PSD4: variants seen among roughly 807,000 people sequenced by gnomAD.
The protein encoded by PSD4 is PH and SEC7 domain-containing protein 4.
In PSD4, 59 loss-of-function variants were observed where a neutral mutation model predicts 112.5. That is an observed-to-expected ratio of 0.52 (90% confidence interval 0.43 to 0.65). PSD4 has a LOEUF of 0.65. Ranked by LOEUF, PSD4 falls within the 30% of genes least tolerant of loss-of-function variation. The pLI, the probability that PSD4 is intolerant of heterozygous loss-of-function variation, is 0.00. For missense variants in PSD4, 1,267 were observed against 1,352.6 expected (o/e 0.94, Z 0.99); for synonymous variants, 533 against 540.0 (o/e 0.99, Z 0.18).
At chr2:113,197,060 C>T (rs1688633966) in intron 12 of PSD4, 2 of 208,386 alleles carry the variant, frequency 9.6e-6, no homozygotes, top group African/African-American at 4.7e-5. Flanking sequence ...ATGGATCTTA[C>T]CACACAAGAC....
At chr2:113,195,162 CATCTT>C (rs1291315561) in intron 10 of PSD4, among the ~76,000 whole-genome samples, 1 of 122,014 alleles carries the variant, frequency 8.2e-6, no homozygotes, top group African/African-American at 3.5e-5. Flanking sequence ...CCCTGGTCAT[CATCTT>C]TTTTTTTTTT....
rs1688779466 is a variant in PSD4 at position 113,201,513 on chromosome 2, A to T, written c.*98A>T. 1 of 1,472,124 alleles carries T rather than the reference A, an allele frequency of 6.8e-7. No homozygotes were observed. The highest frequency in any genetic ancestry group is 1.9e-5 in the Admixed American group (1 of 53,304). The allele number at this position is 1,472,124 out of a possible 1,614,324, so 91.2% of individuals were successfully genotyped here. ...TATTTCAATGAGTCCACCATGACGG[A>T]TGAGGCACCTCCTTTCCCTGCTGAA... On this transcript the variant is annotated 3_prime_UTR_variant, in exon 17 of 17. Coordinates refer to ENST00000245796, the MANE Select transcript of PSD4 (RefSeq NM_012455.3).
chr2:113,177,191 G>A (rs1688002227), intron 1 of PSD4, among the ~76,000 whole-genome samples: 2 of 152,246 alleles, frequency 1.3e-5, no homozygotes, highest in Admixed American at 1.3e-4. Context: ...ACTTCCTGGA[G>A]AGGGGAGGAT....
rs1001153038 is a variant in PSD4, at chr2:113,185,516, C to A, written c.1249+76C>A. 8 of 1,610,996 alleles carry A rather than the reference C, an allele frequency of 5.0e-6. No individual in the cohort carries two copies. In the African/African-American group the frequency reaches 8.0e-5, roughly 16 times the overall value. ...ATTTGGAGTGGGGACAAAGATCATT[C>A]TTGGATCCATGGTTGCCATTAATGG... On this transcript the variant is annotated intron_variant, in intron 4 of 16. Coordinates refer to ENST00000245796, the MANE Select transcript of PSD4 (RefSeq NM_012455.3).
intron 1 of PSD4, among the ~76,000 whole-genome samples, chr2:113,178,342 C>T (rs747243249): frequency 6.6e-6 from 1 of 152,094 alleles, no homozygotes; most frequent in Admixed American, 6.6e-5. Flanking sequence ...ACCCCCACCC[C>T]TCCCAGGCTC....
chr2:113,179,846 A>G (rs867203569), intron 1 of PSD4, among the ~76,000 whole-genome samples: 2 of 152,190 alleles, frequency 1.3e-5, no homozygotes, highest in Non-Finnish European at 2.9e-5. Flanking sequence ...TAACAGGTGG[A>G]AGGGCCCTGA....
intron 1 of PSD4, 58 bp from the exon 2 acceptor site, chr2:113,182,288 C>T (rs575860701): frequency 2.7e-5 from 17 of 639,312 alleles, no homozygotes; most frequent in South Asian, 1.8e-4. Flanking sequence ...ACACTACACA[C>T]GTGCCTCCAG....
At chr2:113,187,828 G>A (rs1322990742) in intron 5 of PSD4, among the ~76,000 whole-genome samples, 1 of 152,168 alleles carries the variant, frequency 6.6e-6, no homozygotes, top group East Asian at 1.9e-4. Flanking sequence ...GACGGGTCAG[G>A]GTCTTTGCTG....
intron 1 of PSD4, among the ~76,000 whole-genome samples, chr2:113,177,437 G>A (rs898176886): frequency 5.3e-5 from 8 of 152,272 alleles, no homozygotes; most frequent in South Asian, 4.1e-4. Flanking sequence ...TCAAGGAGGC[G>A]CTGTACAGGA....
In PSD4 at chr2:113,193,778, G is replaced by T. The variant is rs539543247; in HGVS notation, c.2092-81G>T. 7.0e-6 allele frequency: 11 copies of T among 1,566,332 alleles called. No individual in the cohort carries two copies. The African/African-American group carries it at 1.4e-4, about 19-fold the overall frequency. On this transcript the variant is annotated intron_variant, in intron 9 of 16. Coordinates refer to ENST00000245796, the MANE Select transcript of PSD4 (RefSeq NM_012455.3). ...GATGTGGGCCTGGGGAGCTGGAAAG[G>T]GTTCCATGGTTGCTGGCTGGGAGGT...
At chr2:113,193,483 G>A (rs2104504701) in intron 8 of PSD4, 109 bp from the exon 9 acceptor site, 6 of 1,493,070 alleles carry the variant, frequency 4.0e-6, no homozygotes, top group Non-Finnish European at 5.6e-6. Flanking sequence ...GGGCTGTGGA[G>A]AATGGAAGCA....
chr2:113,178,962 C>T (rs1234521830), intron 1 of PSD4, among the ~76,000 whole-genome samples: 1 of 152,068 alleles, frequency 6.6e-6, no homozygotes, highest in Non-Finnish European at 1.5e-5. Context: ...TGTTCTGGTA[C>T]CTGTAAACCA....
chr2:113,186,841 A>C (rs1174762456), intron 5 of PSD4, among the ~76,000 whole-genome samples: 1 of 152,198 alleles, frequency 6.6e-6, no homozygotes, highest in African/African-American at 2.4e-5. Context: ...TGAGAAACCA[A>C]CCTAGATGTC....
chr2:113,188,734 CTG>C (rs1688368991), intron 5 of PSD4, among the ~76,000 whole-genome samples: 1 of 152,154 alleles, frequency 6.6e-6, no homozygotes, highest in East Asian at 1.9e-4. Context: ...GCGCCCGCCA[CTG>C]CGCCCGGCTA....
At position 113,195,745 on chromosome 2, in the gene PSD4, C is replaced by T. The variant is rs746763210; in HGVS notation, c.2200C>T (p.Arg734Cys). 86 of 1,614,068 alleles carry T rather than the reference C, an allele frequency of 5.3e-5. 1 individual carries two copies. In the Admixed American group the frequency reaches 5.3e-4, roughly 10 times the overall value. The change falls in exon 11 of 17, where the codon CGC becomes TGC. Residue 734 changes from arginine to cysteine, a missense_variant. Coordinates refer to ENST00000245796, the MANE Select transcript of PSD4 (RefSeq NM_012455.3). ...GTTCCAGGCCCTCTACTGGTCTATCCGCAGCGAGAAGCTCGAGTGGGCCGT... is the reference window on the plus strand; with the variant it reads ...GTTCCAGGCCCTCTACTGGTCTATCTGCAGCGAGAAGCTCGAGTGGGCCGT... ...ELLKALYWSI[R>C]SEKLEWAVDE...
At chr2:113,180,834 C>T (rs577938781) in intron 1 of PSD4, among the ~76,000 whole-genome samples, 17 of 152,016 alleles carry the variant, frequency 1.1e-4, no homozygotes, top group Non-Finnish European at 2.4e-4. Context: ...AGTCTTGCTC[C>T]CCAAAATATT....
intron 14 of PSD4, 102 bp from the exon 15 acceptor site, chr2:113,198,638 T>C (rs1688678842): frequency 2.2e-6 from 3 of 1,379,754 alleles, no homozygotes; most frequent in Non-Finnish European, 2.9e-6. Context: ...GGCTGAGTTC[T>C]GAGCAGCTGG....
In PSD4 at chr2:113,196,233, A is replaced by G; in HGVS notation, c.2312A>G (p.Gln771Arg). The change falls in exon 12 of 17, where the codon CAG becomes CGG. Residue 771 changes from glutamine (Q) to arginine (R), a missense_variant. Gln to Arg is a conservative substitution (Grantham distance 43). This residue lies in a region of PSD4 where 544 missense variants were observed against 648.6 expected (regional missense o/e 0.84). Coordinates refer to ENST00000245796, the MANE Select transcript of PSD4 (RefSeq NM_012455.3). ...KMSKPFLQLA[Q>R]DPTVPTYKQG... ...AGCAAGCCCTTCCTTCAGCTGGCTC[A>G]GGATCCCACAGTGCCCACCTACAAG... 1 of 1,614,144 alleles carries G rather than the reference A, an allele frequency of 6.2e-7. No homozygotes were observed. Among genetic ancestry groups the G allele is most frequent in the East Asian group, 2.2e-5 (1 of 44,882 alleles).
In PSD4 at chr2:113,193,376, G is replaced by A. The variant is rs1467817958; in HGVS notation, c.2032+6G>A. ...GGGGATCTTCCCCTCAGTAGGTAGG[G>A]AGGGGCTGGCCCTGACAGCAAAGCA... On this transcript the variant is annotated splice_donor_region_variant and intron_variant, in intron 8 of 16. Transcript: ENST00000245796. The A allele has an allele frequency of 6.2e-7, 1 of 1,607,880 alleles. No homozygotes were observed. Among genetic ancestry groups the A allele is most frequent in the Non-Finnish European group, 8.5e-7 (1 of 1,177,736 alleles).
Sources: gnomAD v4.1 joint callset for allele counts (sites outside exome capture counted in the v4.1 genomes callset) on GRCh38, gnomAD v4.1.1 for gene constraint, gnomAD v4.1.1 regional missense constraint, MANE v1.5 for transcripts, NCBI Gene and HGNC (gene_info 2026-07-23, HGNC 2026-07-21) for gene names.